RBFOX1: variants seen among roughly 807,000 people sequenced by gnomAD.
RBFOX1 encodes the protein RNA binding fox-1 homolog 1, also known as RNA binding protein fox-1 homolog 1.
RBFOX1 carries 8 observed loss-of-function variants against 57.7 expected under a neutral mutation model. The observed-to-expected ratio is 0.14, with a 90% CI of 0.08 to 0.25. The LOEUF (loss-of-function observed/expected upper bound fraction) is 0.25. Ranked by LOEUF, RBFOX1 falls within the 10% of genes least tolerant of loss-of-function variation. The pLI is 1.00. For missense variants in RBFOX1, 611 were observed against 548.5 expected (o/e 1.11, Z -1.14); for synonymous variants, 326 against 222.4 (o/e 1.47, Z -4.15).
chr16:5,838,243 T>C lies in RBFOX1; in HGVS notation c.319-29060T>C, dbSNP rs750575485. The C allele has an allele frequency of 8.2e-4, 180 of 220,338 alleles. 1 individual carries two copies. The highest frequency in any genetic ancestry group is 1.4e-3 in the Non-Finnish European group (144 of 103,352). The allele number at this position is 220,338 out of a possible 1,614,324, so 13.6% of individuals were successfully genotyped here. On this transcript the variant is annotated intron_variant, in intron 3 of 19. Transcript: ENST00000641259. ...GATGTAGCTGCGTGGTGTCTGATCT[T>C]GCCACGTGTGTTCCAGGTGACAACA...
intron 1 of RBFOX1, among the ~76,000 whole-genome samples, chr16:6,147,109 G>A (rs1234184301): frequency 6.6e-6 from 1 of 152,146 alleles, no homozygotes. Context: ...AATTTGCATG[G>A]ATAGAGAGCC....
intron 1 of RBFOX1, among the ~76,000 whole-genome samples, chr16:5,464,040 C>G (rs2068878142): frequency 1.3e-5 from 2 of 152,130 alleles, no homozygotes; most frequent in South Asian, 4.1e-4. Context: ...CGTGATGGAC[C>G]AGCAGGAGGA....
At position 7,189,586 on chromosome 16, in the gene RBFOX1, C is replaced by CACACACACAG. The variant is rs1291219168; in HGVS notation, c.27+137489_27+137490insCACACACAGA. Reference sequence around the variant, plus strand: ...ACACACACACACACACACACACACACATACACACACAAAATAGAGCACATA... The same window carrying CACACACACAG: ...ACACACACACACACACACACACACACACACACACAGATACACACACAAAATAGAGCACATA... On this transcript the variant is annotated intron_variant, in intron 4 of 15. Transcript: ENST00000550418. Among the ~76,000 whole-genome samples, 45 of 146,024 alleles carry CACACACACAG rather than the reference C, an allele frequency of 3.1e-4. 1 individual carries two copies. The highest frequency in any genetic ancestry group is 1.1e-3 in the African/African-American group (42 of 37,550).
At chr16:6,988,362 C>G (rs895209873) in intron 3 of RBFOX1, among the ~76,000 whole-genome samples, 50 of 152,034 alleles carry the variant, frequency 3.3e-4, no homozygotes, top group African/African-American at 1.2e-3. Flanking sequence ...GTAGTAGCTA[C>G]TGTTTACTTA....
chr16:5,480,362 A>G (rs2069486425), intron 2 of RBFOX1, among the ~76,000 whole-genome samples: 1 of 147,380 alleles, frequency 6.8e-6, no homozygotes, highest in Non-Finnish European at 1.5e-5. Flanking sequence ...CCATCTATGC[A>G]TCATGTATAG....
intron 2 of RBFOX1, among the ~76,000 whole-genome samples, chr16:6,506,437 T>C (rs946988238): frequency 6.6e-6 from 1 of 151,406 alleles, no homozygotes; most frequent in East Asian, 2.0e-4. Context: ...AAGGAGAGGG[T>C]TTCGTGGTCA....
At chr16:6,214,364 T>G (rs1307232329) in intron 1 of RBFOX1, among the ~76,000 whole-genome samples, 35 of 70,334 alleles carry the variant, frequency 5.0e-4, no homozygotes, top group South Asian at 2.0e-3. Context: ...AGAAAGAGAG[T>G]GAGGGAGAAA....
At chr16:5,755,870 T>G (rs769144382) in intron 3 of RBFOX1, among the ~76,000 whole-genome samples, 1 of 152,142 alleles carries the variant, frequency 6.6e-6, no homozygotes, top group Non-Finnish European at 1.5e-5. Flanking sequence ...AGTGCTGGAA[T>G]TACAGGCGTG....
intron 3 of RBFOX1, among the ~76,000 whole-genome samples, chr16:5,814,187 C>G (rs1243290763): frequency 1.3e-5 from 2 of 152,170 alleles, no homozygotes; most frequent in Non-Finnish European, 2.9e-5. Flanking sequence ...CTGCCCACAT[C>G]CCTTGGTCTG....
intron 1 of RBFOX1, among the ~76,000 whole-genome samples, chr16:5,398,875 T>C (rs564086028): frequency 1.3e-5 from 2 of 152,310 alleles, no homozygotes; most frequent in Non-Finnish European, 2.9e-5. Context: ...ACCCGCAGCA[T>C]CCAGGGACCC....
chr16:6,919,169 G>C (rs1037694371), intron 3 of RBFOX1, among the ~76,000 whole-genome samples: 1 of 151,940 alleles, frequency 6.6e-6, no homozygotes, highest in South Asian at 2.1e-4. Context: ...TTTTTTTGGA[G>C]ATGGGGTTTC....
intron 3 of RBFOX1, among the ~76,000 whole-genome samples, chr16:6,970,841 C>T (rs2085373000): frequency 6.6e-6 from 1 of 152,166 alleles, no homozygotes; most frequent in African/African-American, 2.4e-5. Flanking sequence ...GAATATTCAG[C>T]ATCAATAGAA....
chr16:5,552,070 T>C (rs185237742), intron 2 of RBFOX1, among the ~76,000 whole-genome samples: 18 of 152,312 alleles, frequency 1.2e-4, no homozygotes, highest in Admixed American at 1.2e-3. Flanking sequence ...TGCATAATAA[T>C]GAAACAGACT....
intron 4 of RBFOX1, among the ~76,000 whole-genome samples, chr16:5,932,706 G>A (rs1463018365): frequency 6.6e-6 from 1 of 152,184 alleles, no homozygotes; most frequent in African/African-American, 2.4e-5. Context: ...CTGGGGTCAG[G>A]AGGCTCTGGT....
At chr16:6,781,973 TA>T (rs1246230482) in intron 3 of RBFOX1, among the ~76,000 whole-genome samples, 2 of 152,190 alleles carry the variant, frequency 1.3e-5, no homozygotes, top group African/African-American at 2.4e-5. Context: ...TCTAGTTCTT[TA>T]AGATGCAGTT....
chr16:7,197,852 T>C (rs73548360), intron 4 of RBFOX1, among the ~76,000 whole-genome samples: 2,106 of 152,184 alleles, frequency 0.014, 59 homozygotes, highest in African/African-American at 0.048. Flanking sequence ...CCGTGAAATA[T>C]CCAGAATAGG....
intron 3 of RBFOX1, among the ~76,000 whole-genome samples, chr16:6,661,695 A>C (rs1323316149): frequency 2.6e-5 from 4 of 152,198 alleles, no homozygotes; most frequent in Non-Finnish European, 5.9e-5. Flanking sequence ...TGATTCGAGC[A>C]AGACGAAGTC....
intron 2 of RBFOX1, among the ~76,000 whole-genome samples, chr16:6,528,907 G>T (rs900073000): frequency 3.9e-5 from 6 of 152,136 alleles, no homozygotes; most frequent in African/African-American, 1.4e-4. Flanking sequence ...TGGTGTAGGG[G>T]CCAGAGGAAT....
intron 3 of RBFOX1, among the ~76,000 whole-genome samples, chr16:6,885,157 C>T (rs72770609): frequency 0.22 from 33,969 of 152,110 alleles, 4,729 homozygotes; most frequent in Admixed American, 0.36. Context: ...CCGCCTCCTC[C>T]TTCCCTAATT....
Sources: gnomAD v4.1 joint callset for allele counts (sites outside exome capture counted in the v4.1 genomes callset) on GRCh38, gnomAD v4.1.1 for gene constraint, MANE v1.5 for transcripts, NCBI Gene and HGNC (gene_info 2026-07-23, HGNC 2026-07-21) for gene names.